MMP25: variants seen among roughly 807,000 people sequenced by gnomAD.
MMP25 encodes the protein matrix metalloproteinase-25.
In MMP25, 68 loss-of-function variants were observed where a neutral mutation model predicts 62.1. The ratio of observed to expected loss-of-function variants is 1.10; its 90% confidence interval spans 0.90 to 1.34. MMP25 has a LOEUF of 1.34. MMP25 is among the 40% of genes most tolerant of loss of function. The probability of loss-of-function intolerance (pLI) is 0.00; values close to 1 mark genes in which losing one functional copy is unlikely to be tolerated. For synonymous variants in MMP25, 407 were observed against 345.6 expected (o/e 1.18, Z -1.97); for missense variants, 942 against 792.5 (o/e 1.19, Z -2.26).
Position 3,059,311 on chromosome 16 carries a change from G to T in MMP25, c.*213G>T, listed in dbSNP as rs1434459598. The stretch of plus-strand genomic sequence containing the variant: ...TGGGCTCAGTCTCCTCAGGGTCTGA[G>T]ACCCCGGCGCTGCCACCGGAACCCG... On this transcript the variant is annotated 3_prime_UTR_variant, in exon 10 of 10. Transcript: ENST00000336577. The T allele has an allele frequency of 1.1e-5, 5 of 474,098 alleles. No individual in the cohort carries two copies. The highest frequency in any genetic ancestry group is 1.7e-5 in the Non-Finnish European group (5 of 289,584). The allele number at this position is 474,098 out of a possible 1,614,324, so 29.4% of individuals were successfully genotyped here.
intron 1 of MMP25, 121 bp downstream of exon 1, chr16:3,047,137 G>A (rs1484714197): frequency 3.4e-6 from 4 of 1,188,120 alleles, no homozygotes; most frequent in East Asian, 5.8e-5. Flanking sequence ...GAGTGACTGA[G>A]GATGGGGTCT....
At chr16:3,055,995 C>A in intron 4 of MMP25, 1 of 453,446 alleles carries the variant, frequency 2.2e-6, no homozygotes, top group Non-Finnish European at 4.4e-6. Flanking sequence ...CTGGGGCCGG[C>A]AGGCTGTGTT....
At position 3,050,063 on chromosome 16, in the gene MMP25, TG is replaced by T; in HGVS notation, c.292del (p.Val98TrpfsTer13). On this transcript the variant is annotated frameshift_variant, in exon 3 of 10. Coordinates refer to ENST00000336577, the MANE Select transcript of MMP25 (RefSeq NM_022468.5). LOFTEE classifies it high-confidence loss of function. Reference protein sequence around the residue: ...RKPRCSLPDVLGVAGLVRRRR... With the variant: ...RKPRCSLPDVXGVAGLVRRRR... ...CCCCGCTGCTCCCTGCCTGACGTGC[TG>T]GGGGTGGCGGGGCTGGTCAGGCGGC... 6.2e-7 allele frequency: 1 copy of T among 1,611,208 alleles called. No homozygotes were observed.
chr16:3,057,693 G>A (rs1460532379), intron 7 of MMP25, 80 bp downstream of exon 7: 1 of 1,332,220 alleles, frequency 7.5e-7, no homozygotes, highest in African/African-American at 1.5e-5. Context: ...GGCTTACCCT[G>A]GAAGCGGAAC....
In MMP25 at chr16:3,056,945, G is replaced by A. The variant is rs558292411; in HGVS notation, c.662-88G>A. ...CTCTGGAGGGTGTCCTGCTGTTCCT[G>A]TTGGCCCCAGCTGCACTCGCAGGGC... On this transcript the variant is annotated intron_variant, in intron 4 of 9. Transcript: ENST00000336577. 7 of 1,424,086 alleles carry A rather than the reference G, an allele frequency of 4.9e-6. No individual in the cohort carries two copies. In the African/African-American group the frequency reaches 7.2e-5, roughly 15 times the overall value. 88.2% of individuals were successfully genotyped at this position (1,424,086 alleles called of 1,614,324 possible). A position where few individuals can be genotyped will look rare whatever the true frequency, so the allele number is the denominator to read the frequency against.
At chr16:3,056,793 C>G in intron 4 of MMP25, 1 of 472,308 alleles carries the variant, frequency 2.1e-6, no homozygotes, top group South Asian at 3.7e-5. Context: ...TGGCCTATTC[C>G]TCTGTGTGTT....
At position 3,059,851 on chromosome 16, in the gene MMP25, CT is replaced by C; in HGVS notation, c.*757del. ...GACCCTTGCTCTCCAGGCTGTTAAC[CT>C]TTTCCGTTGCTCCCCCGCCACCCAC... On this transcript the variant is annotated 3_prime_UTR_variant, in exon 10 of 10. Coordinates refer to ENST00000336577, the MANE Select transcript of MMP25 (RefSeq NM_022468.5). 6.6e-6 allele frequency: 1 copy of C among 152,486 alleles called. No individual in the cohort carries two copies. The highest frequency in any genetic ancestry group is 1.5e-5 in the Non-Finnish European group (1 of 68,196). 9.4% of individuals were successfully genotyped at this position (152,486 alleles called of 1,614,324 possible).
In MMP25 at chr16:3,046,819, C is replaced by G; in HGVS notation, c.-99C>G. The G allele has an allele frequency of 1.6e-6, 1 of 612,880 alleles. No homozygotes were observed. Among genetic ancestry groups the G allele is most frequent in the Non-Finnish European group, 2.5e-6 (1 of 393,754 alleles). The allele number at this position is 612,880 out of a possible 1,614,324, so 38.0% of individuals were successfully genotyped here. A position where few individuals can be genotyped will look rare whatever the true frequency, so the allele number is the denominator to read the frequency against. ...CCTCCCTACTCGGTGCCGGGTGCCC[C>G]CCGCCCTCTCCAGGCCCGGATCTCC... On this transcript the variant is annotated 5_prime_UTR_variant, in exon 1 of 10. Coordinates refer to ENST00000336577, the MANE Select transcript of MMP25 (RefSeq NM_022468.5).
rs139926695 is a variant in MMP25 at position 3,059,370 on chromosome 16, T to TC, written c.*273dup. On this transcript the variant is annotated 3_prime_UTR_variant, in exon 10 of 10. Transcript: ENST00000336577. ...GGCGCACGCGCGCTGGGACCATGCG[T>TC]CGGTCGTCGCCCCCGTCGTTCCCTC... 36,110 of 348,256 alleles carry TC rather than the reference T, an allele frequency of 0.1. 2,473 individuals carry two copies. Among genetic ancestry groups the TC allele is most frequent in the African/African-American group, 0.2 (9,652 of 47,234 alleles). The allele number at this position is 348,256 out of a possible 1,614,324, so 21.6% of individuals were successfully genotyped here.
Position 3,047,022 on chromosome 16 carries a change from C to G in MMP25, c.99+6C>G. On this transcript the variant is annotated splice_donor_region_variant and intron_variant, in intron 1 of 9. Transcript: ENST00000336577. ...AGGACGTGAGCCTGGGCGTGGTGAGCGCGGGGTCCGCAGGCTCCTGGGGTC... is the reference window on the plus strand; with the variant it reads ...AGGACGTGAGCCTGGGCGTGGTGAGGGCGGGGTCCGCAGGCTCCTGGGGTC... The G allele has an allele frequency of 7.0e-7, 1 of 1,433,410 alleles. No homozygotes were observed. Among genetic ancestry groups the G allele is most frequent in the Non-Finnish European group, 9.1e-7 (1 of 1,101,294 alleles). 88.8% of individuals were successfully genotyped at this position (1,433,410 alleles called of 1,614,324 possible).
rs145736176 is a variant in MMP25 at position 3,057,589 on chromosome 16, C to T, written c.982C>T (p.Arg328Ter). The change falls in exon 7 of 10, where the codon CGA becomes TGA. Residue 328 changes from arginine to a stop codon, truncating the protein, a stop_gained. Transcript: ENST00000336577. LOFTEE classifies it high-confidence loss of function. ...EGNFDAIANI[R>*]GETFFFKGPW... ...CAATTTTGACGCCATCGCCAACATC[C>T]GAGGGGAAACTTTCTTCTTCAAAGG... 5.6e-6 allele frequency: 9 copies of T among 1,614,022 alleles called. No individual in the cohort carries two copies. The African/African-American group carries it at 6.7e-5, about 12-fold the overall frequency.
intron 6 of MMP25, 45 bp from the exon 7 acceptor site, chr16:3,057,486 A>G: frequency 6.2e-7 from 1 of 1,604,024 alleles, no homozygotes; most frequent in Non-Finnish European, 8.5e-7. Flanking sequence ...CCTGCCTTGG[A>G]GAAAACAAAC....
rs568491292 is a variant in MMP25 at position 3,050,297 on chromosome 16, G to T, written c.412G>T (p.Val138Leu). The change falls in exon 4 of 10, where the codon GTG becomes TTG. Residue 138 changes from valine to leucine, a missense_variant. Coordinates refer to ENST00000336577, the MANE Select transcript of MMP25 (RefSeq NM_022468.5). Reference protein sequence around the residue: ...PQSSQLSQETVRVLMSYALMA... With the variant: ...PQSSQLSQETLRVLMSYALMA... ...GAGCTCCCAGCTGAGCCAGGAGACC[G>T]TGCGGGTCCTCATGAGCTATGCCCT... The T allele has an allele frequency of 3.7e-6, 6 of 1,611,902 alleles. No homozygotes were observed. The highest frequency in any genetic ancestry group is 2.2e-5 in the East Asian group (1 of 44,844).
rs1266924341 is a variant in MMP25, at chr16:3,058,912, G to A, written c.1503G>A (p.Met501Ile). 3 of 1,553,618 alleles carry A rather than the reference G, an allele frequency of 1.9e-6. No individual in the cohort carries two copies. The highest frequency in any genetic ancestry group is 2.4e-5 in the South Asian group (2 of 84,244). Reference protein sequence around the residue: ...IKTEPDAPQPMGPNWLDCPAP... With the variant: ...IKTEPDAPQPIGPNWLDCPAP... ...CCGAGCCGGACGCCCCCCAGCCCAT[G>A]GGGCCCAACTGGCTGGACTGCCCCG... The change falls in exon 10 of 10, where the codon ATG becomes ATA. Residue 501 changes from methionine (M) to isoleucine (I), a missense_variant. Physicochemically the swap from Met to Ile is conservative, Grantham distance 10. Coordinates refer to ENST00000336577, the MANE Select transcript of MMP25 (RefSeq NM_022468.5).
Position 3,059,071 on chromosome 16 carries a change from G to C in MMP25, c.1662G>C (p.Leu554=), listed in dbSNP as rs779011016. Residue 554 remains leucine, a synonymous_variant, in exon 10 of 10, where the codon CTG becomes CTC. Transcript: ENST00000336577. ...PAPIPLLLLP[L]LVGGVASR is the part of the protein sequence containing the mutation. ...CCATCCCGCTGCTCCTCTTGCCCCT[G>C]CTGGTGGGGGGTGTAGCCTCCCGCT... 6 of 1,549,138 alleles carry C rather than the reference G, an allele frequency of 3.9e-6. No homozygotes were observed. In the South Asian group the frequency reaches 7.2e-5, roughly 18 times the overall value.
intron 4 of MMP25, chr16:3,056,176 G>C (rs1956005127): frequency 5.0e-6 from 1 of 200,504 alleles, no homozygotes; most frequent in African/African-American, 2.5e-5. Flanking sequence ...GAGGGATGGG[G>C]GCAGGAATGA....
At chr16:3,047,075 G>A (rs1346360055) in intron 1 of MMP25, 59 bp downstream of exon 1, 1 of 1,377,852 alleles carries the variant, frequency 7.3e-7, no homozygotes, top group Non-Finnish European at 9.4e-7. Context: ...AGGGAAGCCG[G>A]GCCCGGACTC....
At chr16:3,058,069 C>G (rs915848790) in intron 7 of MMP25, 112 bp from the exon 8 acceptor site, 1 of 1,298,544 alleles carries the variant, frequency 7.7e-7, no homozygotes, top group Admixed American at 2.3e-5. Flanking sequence ...CACCCTAGAT[C>G]CATTGCGCCC....
At chr16:3,056,968 G>T (rs1353547863) in intron 4 of MMP25, 65 bp from the exon 5 acceptor site, 18 of 1,499,438 alleles carry the variant, frequency 1.2e-5, no homozygotes, top group Non-Finnish European at 1.5e-5. Context: ...GCACTCGCAG[G>T]GCCTTCCTGT....
Sources: gnomAD v4.1 joint callset for allele counts on GRCh38, gnomAD v4.1.1 for gene constraint, MANE v1.5 for transcripts, NCBI Gene and HGNC (gene_info 2026-07-23, HGNC 2026-07-21) for gene names.